CPM: variants seen among roughly 807,000 people sequenced by gnomAD.
CPM encodes carboxypeptidase M, also known as renal carboxypeptidase.
CPM carries 35 observed loss-of-function variants against 46.4 expected under a neutral mutation model. The ratio of observed to expected loss-of-function variants is 0.75; its 90% CI spans 0.58 to 1.00. The LOEUF is 1.00. CPM is among the 50% of genes least tolerant of loss of function. The pLI, the probability that CPM is intolerant of heterozygous loss-of-function variation, is 0.00. For missense variants in CPM, 422 were observed against 530.4 expected (o/e 0.80, Z 2.01); for synonymous variants, 195 against 195.3 (o/e 1.00, Z 0.01).
chr12:68,886,379 T>C (rs1289216226), intron 2 of CPM, among the ~76,000 whole-genome samples: 1 of 150,728 alleles, frequency 6.6e-6, no homozygotes, highest in Non-Finnish European at 1.5e-5. Context: ...ACGCCTGTAA[T>C]CCCAGCACTC....
chr12:68,926,770 G>T (rs1023944246), intron 2 of CPM, among the ~76,000 whole-genome samples: 1 of 151,924 alleles, frequency 6.6e-6, no homozygotes, highest in Non-Finnish European at 1.5e-5. Flanking sequence ...TGTCCAATGT[G>T]TTCTCATTGT....
At chr12:68,848,575 T>C (rs998509915), downstream of CPM, 2 of 152,240 alleles carry the variant, frequency 1.3e-5, no homozygotes, top group Non-Finnish European at 2.9e-5. Flanking sequence ...GGTGTCAGAA[T>C]TGTAAGAGAG....
At chr12:68,932,377 G>A (rs1057020392) in intron 2 of CPM, among the ~76,000 whole-genome samples, 9 of 152,172 alleles carry the variant, frequency 5.9e-5, no homozygotes, top group Non-Finnish European at 1.2e-4. Context: ...TCTTGAAAAG[G>A]AACTAAAACA....
At chr12:68,942,478 C>T (rs1336643465) in intron 1 of CPM, among the ~76,000 whole-genome samples, 4 of 152,186 alleles carry the variant, frequency 2.6e-5, no homozygotes, top group Non-Finnish European at 5.9e-5. Flanking sequence ...ACACTATTGT[C>T]CCTTGTTGGC....
intron 2 of CPM, among the ~76,000 whole-genome samples, chr12:68,887,179 A>G (rs1404657142): frequency 6.6e-6 from 1 of 152,214 alleles, no homozygotes; most frequent in Non-Finnish European, 1.5e-5. Flanking sequence ...TTTCAATTTT[A>G]AAATTGTCTG....
At chr12:68,858,334 C>G (rs554456149) in intron 8 of CPM, among the ~76,000 whole-genome samples, 19 of 152,218 alleles carry the variant, frequency 1.2e-4, no homozygotes, top group Non-Finnish European at 2.5e-4. Flanking sequence ...TAAATCCACT[C>G]AGGCTCAAAT....
chr12:68,856,679 C>T lies in CPM; in HGVS notation c.1090G>A (p.Val364Ile), dbSNP rs781424205. The change falls in exon 9 of 9, where the codon GTT becomes ATT. Residue 364 changes from valine (V) to isoleucine (I), a missense_variant and splice_region_variant. By Grantham distance (29) the Val-to-Ile change is conservative (BLOSUM62 3). Coordinates refer to ENST00000551568, the MANE Select transcript of CPM (RefSeq NM_198320.5). ...TGTGGATCATGTCCAGGGACTGTAA[C>T]CTGAGAAGAAACAAGAGACAATTAT... ...LLLPGSYIIN[V>I]TVPGHDPHIT... 6.2e-7 allele frequency: 1 copy of T among 1,612,832 alleles called. No individual in the cohort carries two copies. Among genetic ancestry groups the T allele is most frequent in the South Asian group, 1.1e-5 (1 of 91,032 alleles).
intron 1 of CPM, among the ~76,000 whole-genome samples, chr12:68,959,550 AATGAAAGTGTGAAAGAGAGAAT>A (rs1343378791): frequency 1.3e-5 from 2 of 152,260 alleles, no homozygotes; most frequent in African/African-American, 4.8e-5. Context: ...AATACATTAT[AATGAAAGTGTGAAAGAGAGAAT>A]ATGAAAAGTT....
At chr12:68,935,070 C>T (rs1888649704), upstream of CPM, among the ~76,000 whole-genome samples, 4 of 151,874 alleles carry the variant, frequency 2.6e-5, no homozygotes, top group South Asian at 6.3e-4. Context: ...CCACCAGGCC[C>T]GGCTAATTTT....
At chr12:68,951,255 A>G (rs1246476981) in intron 1 of CPM, among the ~76,000 whole-genome samples, 1 of 152,244 alleles carries the variant, frequency 6.6e-6, no homozygotes, top group African/African-American at 2.4e-5. Context: ...ACAATGCTCA[A>G]ACTTCAACAG....
intron 5 of CPM, chr12:68,844,697 A>C (rs1331645023): frequency 4.5e-6 from 1 of 221,786 alleles, no homozygotes; most frequent in African/African-American, 2.2e-5. Flanking sequence ...TGGGCCCCTA[A>C]GCCAGACGGG....
downstream of CPM, chr12:68,847,291 A>G (rs1378757022): frequency 7.0e-6 from 1 of 142,598 alleles, no homozygotes; most frequent in East Asian, 2.0e-4. Flanking sequence ...TCGTGTCTTG[A>G]CCTTGACCTC....
rs1397851475 is a variant in CPM at position 68,852,860 on chromosome 12, C to T, written c.*3577G>A. The T allele has an allele frequency of 6.6e-6, 1 of 152,158 alleles. No homozygotes were observed. The highest frequency in any genetic ancestry group is 2.4e-5 in the African/African-American group (1 of 41,408). The allele number at this position is 152,158 out of a possible 1,614,324, so 9.4% of individuals were successfully genotyped here. A position where few individuals can be genotyped will look rare whatever the true frequency, so the allele number is the denominator to read the frequency against. On this transcript the variant is annotated 3_prime_UTR_variant, in exon 9 of 9. Coordinates refer to ENST00000551568, the MANE Select transcript of CPM (RefSeq NM_198320.5). ...TACAGGCATGAGCCACCGTGCCTGA[C>T]TGCTGCTTTCTAAATACCATTTCAC...
In CPM at chr12:68,915,444, GT is replaced by G. The variant is rs368509341; in HGVS notation, c.160+17233del. On this transcript the variant is annotated intron_variant, in intron 2 of 8. Coordinates refer to ENST00000551568, the MANE Select transcript of CPM (RefSeq NM_198320.5). ...CTCCTGCCACCCAAGCACAGCATGTGTTTTCCCAGTCGCTTTACCTGGAATT... is the reference window on the plus strand; with the variant it reads ...CTCCTGCCACCCAAGCACAGCATGTGTTTCCCAGTCGCTTTACCTGGAATT... Among the ~76,000 whole-genome samples the G allele has an allele frequency of 4.4e-4, 67 of 152,264 alleles. 1 individual carries two copies. Among genetic ancestry groups the G allele is most frequent in the African/African-American group, 1.5e-3 (61 of 41,550 alleles).
chr12:68,859,063 C>G lies in CPM; in HGVS notation c.949G>C (p.Gly317Arg), dbSNP rs772879813. The change falls in exon 8 of 9, where the codon GGT becomes CGT. Residue 317 changes from glycine to arginine, a missense_variant. Physicochemically the swap from Gly to Arg is moderately radical, Grantham distance 125. Transcript: ENST00000551568. ...YIKQVHLGVK[G>R]QVFDQNGNPL... ...TTTCCATTCTGATCAAAAACTTGAC[C>G]CTTTACACCTGCAAGACAAAAATAA... The G allele has an allele frequency of 4.4e-5, 66 of 1,488,988 alleles. No individual in the cohort carries two copies. Among genetic ancestry groups the G allele is most frequent in the Non-Finnish European group, 5.9e-5 (66 of 1,123,268 alleles). The allele number at this position is 1,488,988 out of a possible 1,614,324, so 92.2% of individuals were successfully genotyped here. A position where few individuals can be genotyped will look rare whatever the true frequency, so the allele number is the denominator to read the frequency against.
chr12:68,928,058 G>A (rs1888344073), intron 2 of CPM, among the ~76,000 whole-genome samples: 1 of 152,184 alleles, frequency 6.6e-6, no homozygotes, highest in African/African-American at 2.4e-5. Context: ...AGCCCGCATT[G>A]CCAAGTCAGT....
At chr12:68,952,616 C>T (rs1888953605) in intron 1 of CPM, among the ~76,000 whole-genome samples, 1 of 152,216 alleles carries the variant, frequency 6.6e-6, no homozygotes, top group Non-Finnish European at 1.5e-5. Flanking sequence ...CTCCCCTCAT[C>T]CCAGCACCTA....
chr12:68,875,506 A>G (rs1266979627), intron 3 of CPM, among the ~76,000 whole-genome samples: 1 of 152,114 alleles, frequency 6.6e-6, no homozygotes, highest in Non-Finnish European at 1.5e-5. Flanking sequence ...TCTTAACTTT[A>G]GAAAAATCTG....
chr12:68,872,012 C>T (rs570921355), intron 3 of CPM, 56 bp from the exon 4 acceptor site: 317 of 1,579,990 alleles, frequency 2.0e-4, no homozygotes, highest in Non-Finnish European at 2.7e-4. Context: ...ATAAGGAAAG[C>T]ACTCCCTACG....
Sources: gnomAD v4.1 joint callset for allele counts (sites outside exome capture counted in the v4.1 genomes callset) on GRCh38, gnomAD v4.1.1 for gene constraint, MANE v1.5 for transcripts, NCBI Gene and HGNC (gene_info 2026-07-23, HGNC 2026-07-21) for gene names.